The following NOL4 variants were observed in gnomAD, a reference collection of about 807,000 sequenced individuals.
The protein encoded by NOL4 is nucleolar protein 4, also known as cancer/testis antigen 125.
Under a neutral mutation model 75.9 loss-of-function variants are expected in NOL4, and 17 were observed. That is an observed-to-expected ratio of 0.22 (90% CI 0.15 to 0.34). The LOEUF (loss-of-function observed/expected upper bound fraction) is 0.34, where lower values mean the gene tolerates loss of function less well. Ranked by LOEUF, NOL4 falls within the 10% of genes least tolerant of loss-of-function variation. The pLI is 1.00. For synonymous variants in NOL4, 292 were observed against 289.9 expected, an observed-to-expected ratio of 1.01 and a Z score of -0.07; for missense variants, 614 against 793.5, an observed-to-expected ratio of 0.77 and a Z score of 2.72.
chr18:33,957,542 A>G, intron 7 of NOL4, 25 bp from the exon 8 acceptor site: 4 of 1,595,924 alleles, frequency 2.5e-6, no homozygotes, highest in Non-Finnish European at 3.4e-6. Flanking sequence ...GAGACAGAGG[A>G]GAAGGGTTTG....
chr18:33,995,574 G>A (rs932254579), intron 6 of NOL4, among the ~76,000 whole-genome samples: 5 of 151,446 alleles, frequency 3.3e-5, no homozygotes, highest in African/African-American at 9.7e-5. Flanking sequence ...AGAAATCAAA[G>A]GGAACTTAAT....
At chr18:33,868,785 TA>T (rs2063555156) in intron 10 of NOL4, among the ~76,000 whole-genome samples, 1 of 151,704 alleles carries the variant, frequency 6.6e-6, no homozygotes, top group Admixed American at 6.6e-5. Context: ...TGATGCCTCA[TA>T]AGGTAAGACA....
intron 1 of NOL4, among the ~76,000 whole-genome samples, chr18:34,190,385 A>G (rs2034825881): frequency 6.6e-6 from 1 of 152,064 alleles, no homozygotes; most frequent in South Asian, 2.1e-4. Flanking sequence ...AATGGTGTAT[A>G]TGATTGTATG....
At chr18:33,876,527 A>C (rs2063939043) in intron 10 of NOL4, among the ~76,000 whole-genome samples, 1 of 152,082 alleles carries the variant, frequency 6.6e-6, no homozygotes, top group African/African-American at 2.4e-5. Context: ...GCTGGCATCT[A>C]ATATAATGCT....
intron 2 of NOL4, among the ~76,000 whole-genome samples, chr18:34,125,967 C>G (rs1266265905): frequency 7.0e-6 from 1 of 142,578 alleles, no homozygotes; most frequent in African/African-American, 2.6e-5. Flanking sequence ...CAGGATGCAC[C>G]AAAAAAAAAA....
chr18:33,997,301 C>A (rs2073364506), intron 6 of NOL4, among the ~76,000 whole-genome samples: 1 of 151,842 alleles, frequency 6.6e-6, no homozygotes, highest in Admixed American at 6.6e-5. Context: ...TATCAACAGC[C>A]AATTATCCCA....
At chr18:34,129,052 G>A (rs766704653) in intron 2 of NOL4, among the ~76,000 whole-genome samples, 5 of 151,686 alleles carry the variant, frequency 3.3e-5, no homozygotes, top group African/African-American at 4.8e-5. Context: ...TATAGGAGAA[G>A]AATAATTTAC....
chr18:34,174,089 A>G (rs12607558), intron 1 of NOL4, among the ~76,000 whole-genome samples: 33,534 of 152,100 alleles, frequency 0.22, 4,408 homozygotes, highest in East Asian at 0.44. Flanking sequence ...CCATGTAACA[A>G]TAAGTGAAGT....
chr18:34,152,363 T>C (rs557062517), intron 1 of NOL4, among the ~76,000 whole-genome samples: 5 of 151,822 alleles, frequency 3.3e-5, no homozygotes, highest in Admixed American at 1.3e-4. Context: ...TACTTGTAAA[T>C]AGACATGACC....
chr18:33,997,030 T>C (rs1054655667), intron 6 of NOL4, among the ~76,000 whole-genome samples: 1 of 151,902 alleles, frequency 6.6e-6, no homozygotes, highest in Admixed American at 6.6e-5. Context: ...TTCGCAAATA[T>C]ATTTTTTCCA....
intron 1 of NOL4, among the ~76,000 whole-genome samples, chr18:34,171,576 A>T (rs949792644): frequency 6.6e-6 from 1 of 152,216 alleles, no homozygotes; most frequent in African/African-American, 2.4e-5. Flanking sequence ...GAATGACCAT[A>T]GTCTTACTTG....
chr18:33,990,633 A>G (rs951784275), intron 6 of NOL4, among the ~76,000 whole-genome samples: 7 of 152,060 alleles, frequency 4.6e-5, no homozygotes, highest in African/African-American at 1.4e-4. Flanking sequence ...TTACGTGAAA[A>G]TAACTCTTCC....
chr18:33,898,311 G>A (rs890501619), intron 9 of NOL4, among the ~76,000 whole-genome samples: 1 of 152,138 alleles, frequency 6.6e-6, no homozygotes, highest in Non-Finnish European at 1.5e-5. Flanking sequence ...TCACATGGCA[G>A]ATATGGTTTC....
intron 1 of NOL4, among the ~76,000 whole-genome samples, chr18:34,148,546 A>G (rs981894383): frequency 6.6e-6 from 1 of 152,068 alleles, no homozygotes; most frequent in Non-Finnish European, 1.5e-5. Context: ...CTTAATCCTG[A>G]GTTCTAATTT....
chr18:34,069,305 G>A (rs2077411161), intron 5 of NOL4, among the ~76,000 whole-genome samples: 1 of 152,148 alleles, frequency 6.6e-6, no homozygotes, highest in Non-Finnish European at 1.5e-5. Flanking sequence ...GAATGAATAA[G>A]TGGATTTAAA....
intron 9 of NOL4, among the ~76,000 whole-genome samples, chr18:33,926,108 TC>T (rs2067306100): frequency 6.6e-6 from 1 of 152,066 alleles, no homozygotes; most frequent in African/African-American, 2.4e-5. Flanking sequence ...ATGCCTGTAA[TC>T]CCAGCACTCT....
rs2062693296 is a variant in NOL4 at position 33,853,142 on chromosome 18, C to G, written c.1724-107G>C. 7 of 950,324 alleles carry G rather than the reference C, an allele frequency of 7.4e-6. No homozygotes were observed. In the South Asian group the frequency reaches 1.3e-4, roughly 17 times the overall value. 58.9% of individuals were successfully genotyped at this position (950,324 alleles called of 1,614,324 possible). On this transcript the variant is annotated intron_variant, in intron 10 of 10. Coordinates refer to ENST00000261592, the MANE Select transcript of NOL4 (RefSeq NM_003787.5). ...TTGAATGAATTAATGAATTCTTCCACAAGAAGCTAGTGATCTCTTTAATCA... is the reference window on the plus strand; with the variant it reads ...TTGAATGAATTAATGAATTCTTCCAGAAGAAGCTAGTGATCTCTTTAATCA...
At position 33,891,331 on chromosome 18, in the gene NOL4, C is replaced by T. The variant is rs1236737480; in HGVS notation, c.1543-7907G>A. 3.9e-5 allele frequency among the ~76,000 whole-genome samples: 6 copies of T among 152,132 alleles called. No individual in the cohort carries two copies. The East Asian group carries it at 1.2e-3, about 29-fold the overall frequency. On this transcript the variant is annotated intron_variant, in intron 9 of 10. Coordinates refer to ENST00000261592, the MANE Select transcript of NOL4 (RefSeq NM_003787.5). ...AGGCATATAAATATGCTTTCATGTC[C>T]TCTTTAACCAGACTAGCAGCTCTGC...
intron 1 of NOL4, chr18:34,222,379 C>A: frequency 8.4e-7 from 1 of 1,183,612 alleles, no homozygotes; most frequent in South Asian, 2.8e-5. Flanking sequence ...AGGACCTTAT[C>A]TACAATCTCA....
Sources: gnomAD v4.1 joint callset for allele counts (sites outside exome capture counted in the v4.1 genomes callset) on GRCh38, gnomAD v4.1.1 for gene constraint, MANE v1.5 for transcripts, NCBI Gene and HGNC (gene_info 2026-07-23, HGNC 2026-07-21) for gene names.